Variants in AGBL4 observed in about 807,000 individuals in gnomAD.
AGBL4 encodes cytosolic carboxypeptidase 6.
Under a neutral mutation model 66.4 loss-of-function variants are expected in AGBL4, and 58 were observed. The ratio of observed to expected loss-of-function variants is 0.87; its 90% CI spans 0.71 to 1.09. The LOEUF is 1.09. AGBL4 is among the 50% of genes least tolerant of loss of function. The probability of loss-of-function intolerance (pLI) is 0.00; values close to 1 mark genes in which losing one functional copy is unlikely to be tolerated. For synonymous variants in AGBL4, 234 were observed against 222.9 expected (o/e 1.05, Z -0.44); for missense variants, 579 against 631.0 (o/e 0.92, Z 0.88).
chr1:49,207,558 C>CTTTCTTTCTTTCTTTT (rs1648304690), intron 4 of AGBL4, among the ~76,000 whole-genome samples: 1 of 105,076 alleles, frequency 9.5e-6, no homozygotes, highest in Non-Finnish European at 2.0e-5. Context: ...TTCTTTCTTT[C>CTTTCTTTCTTTCTTTT]TTTCTTTCTT....
intron 3 of AGBL4, among the ~76,000 whole-genome samples, chr1:49,427,656 C>T (rs532455155): frequency 1.1e-4 from 16 of 152,266 alleles, no homozygotes; most frequent in Admixed American, 2.0e-4. Flanking sequence ...CACAGACCTT[C>T]GCAGTGAATG....
intron 2 of AGBL4, among the ~76,000 whole-genome samples, chr1:49,795,199 A>T (rs1041574040): frequency 1.4e-5 from 2 of 139,688 alleles, no homozygotes; most frequent in East Asian, 2.0e-4. Flanking sequence ...GCTGATATTT[A>T]AAAAAAAAAT....
intron 5 of AGBL4, among the ~76,000 whole-genome samples, chr1:49,024,761 T>C (rs1274756990): frequency 1.3e-5 from 2 of 152,154 alleles, no homozygotes; most frequent in Admixed American, 6.6e-5. Flanking sequence ...AAATGCGTTA[T>C]ATCCAAGAAC....
In AGBL4 at chr1:49,756,900, C is replaced by T. The variant is rs562435965; in HGVS notation, c.158-59463G>A. 2.5e-4 allele frequency among the ~76,000 whole-genome samples: 38 copies of T among 152,200 alleles called. No individual in the cohort carries two copies. The South Asian group carries it at 7.7e-3, about 31-fold the overall frequency. ...CCCAGTCTTGGGCAGTTCTTTATAG[C>T]AGCTGAGAACAAACAAATACGGTAA... is the stretch of plus-strand genomic sequence containing the variant. On this transcript the variant is annotated intron_variant, in intron 2 of 13. Coordinates refer to ENST00000371839, the MANE Select transcript of AGBL4 (RefSeq NM_032785.4).
chr1:49,083,372 T>A (rs1644841505), intron 4 of AGBL4, among the ~76,000 whole-genome samples: 1 of 152,158 alleles, frequency 6.6e-6, no homozygotes, highest in Non-Finnish European at 1.5e-5. Context: ...TTTCCATACA[T>A]CCTGTGAAAT....
chr1:49,480,744 G>A (rs772467177), intron 3 of AGBL4, among the ~76,000 whole-genome samples: 2 of 151,932 alleles, frequency 1.3e-5, no homozygotes, highest in Admixed American at 6.6e-5. Context: ...TTGCCATAGT[G>A]TCTTCAAAGG....
At position 49,159,430 on chromosome 1, in the gene AGBL4, C is replaced by A. The variant is rs1646498476; in HGVS notation, c.377+86340G>T. Among the ~76,000 whole-genome samples, 2 of 152,304 alleles carry A rather than the reference C, an allele frequency of 1.3e-5. 1 individual carries two copies. Among genetic ancestry groups the A allele is most frequent in the South Asian group, 4.1e-4 (2 of 4,828 alleles). On this transcript the variant is annotated intron_variant, in intron 4 of 13. Transcript: ENST00000371839. ...GCTTGTAGGATTTCTGCAGAGAGAT[C>A]TGCTGTTAGTTTGTTGGGCTTCCCT...
At chr1:49,940,446 C>A (rs1205617725) in intron 1 of AGBL4, among the ~76,000 whole-genome samples, 1 of 152,096 alleles carries the variant, frequency 6.6e-6, no homozygotes, top group Non-Finnish European at 1.5e-5. Context: ...GACTTGGAAC[C>A]AACCCAAATG....
intron 3 of AGBL4, among the ~76,000 whole-genome samples, chr1:49,519,961 G>A (rs1650125784): frequency 6.6e-6 from 1 of 151,998 alleles, no homozygotes; most frequent in South Asian, 2.1e-4. Flanking sequence ...AGTGAATAAG[G>A]GAAGTCAGAA....
chr1:49,693,957 T>C (rs143457401), intron 3 of AGBL4, among the ~76,000 whole-genome samples: 2 of 152,300 alleles, frequency 1.3e-5, no homozygotes, highest in East Asian at 3.9e-4. Flanking sequence ...AAATGCACTA[T>C]TGAGCAACTA....
intron 6 of AGBL4, among the ~76,000 whole-genome samples, chr1:48,724,188 TG>T (rs1229855425): frequency 1.3e-5 from 2 of 152,118 alleles, no homozygotes; most frequent in Non-Finnish European, 2.9e-5. Flanking sequence ...GCCCCTCTCT[TG>T]GGGGGCACAT....
intron 3 of AGBL4, among the ~76,000 whole-genome samples, chr1:49,319,391 A>G (rs1382066541): frequency 6.6e-6 from 1 of 152,184 alleles, no homozygotes; most frequent in African/African-American, 2.4e-5. Flanking sequence ...TAACACAATA[A>G]AAGTTTATTT....
intron 2 of AGBL4, among the ~76,000 whole-genome samples, chr1:49,711,613 C>G (rs1236674406): frequency 1.3e-5 from 2 of 151,924 alleles, no homozygotes; most frequent in East Asian, 3.9e-4. Flanking sequence ...ATCTTGCAGG[C>G]GCTGGATATA....
intron 3 of AGBL4, among the ~76,000 whole-genome samples, chr1:49,384,016 T>C (rs1362843135): frequency 1.3e-5 from 2 of 151,792 alleles, no homozygotes; most frequent in Admixed American, 1.3e-4. Flanking sequence ...AGGATGGTCT[T>C]GATTTCCTGA....
At position 49,222,360 on chromosome 1, in the gene AGBL4, G is replaced by A. The variant is rs532888787; in HGVS notation, c.377+23410C>T. On this transcript the variant is annotated intron_variant, in intron 4 of 13. Transcript: ENST00000371839. ...ATAGAGCACAATCAGAAAGGCCATG[G>A]GGCCTATACAGAAGATATTCTTAGG... Among the ~76,000 whole-genome samples, 4 of 151,554 alleles carry A rather than the reference G, an allele frequency of 2.6e-5. No individual in the cohort carries two copies. In the South Asian group the frequency reaches 8.3e-4, roughly 31 times the overall value.
At chr1:48,777,722 T>C (rs1645165113) in intron 6 of AGBL4, among the ~76,000 whole-genome samples, 1 of 151,946 alleles carries the variant, frequency 6.6e-6, no homozygotes, top group African/African-American at 2.4e-5. Context: ...CTATAGTCTT[T>C]CTCCATTGAG....
chr1:49,156,032 A>G (rs934249495), intron 4 of AGBL4, among the ~76,000 whole-genome samples: 13 of 152,204 alleles, frequency 8.5e-5, no homozygotes, highest in Non-Finnish European at 1.3e-4. Context: ...TTTATTGAAT[A>G]CCAACTAAGT....
In AGBL4 at chr1:48,779,996, G is replaced by C. The variant is rs536190005; in HGVS notation, c.634+87195C>G. Among the ~76,000 whole-genome samples the C allele has an allele frequency of 4.0e-4, 61 of 151,836 alleles. 1 individual carries two copies. The highest frequency in any genetic ancestry group is 1.9e-4 in the Non-Finnish European group (13 of 67,988). On this transcript the variant is annotated intron_variant, in intron 6 of 13. Coordinates refer to ENST00000371839, the MANE Select transcript of AGBL4 (RefSeq NM_032785.4). ...CCCAATGTGCTGGGATTACAGATGT[G>C]AGCCACCGCGCCCGGCCTTTATTAT...
chr1:49,703,654 C>A (rs1366658047), intron 2 of AGBL4, among the ~76,000 whole-genome samples: 1 of 151,768 alleles, frequency 6.6e-6, no homozygotes, highest in African/African-American at 2.4e-5. Context: ...AATTATTTAT[C>A]CGAGATCAAG....
Sources: gnomAD v4.1 joint callset for allele counts (sites outside exome capture counted in the v4.1 genomes callset) on GRCh38, gnomAD v4.1.1 for gene constraint, MANE v1.5 for transcripts, NCBI Gene and HGNC (gene_info 2026-07-23, HGNC 2026-07-21) for gene names.